The following WDR7 variants were observed in gnomAD, a reference collection of about 807,000 sequenced individuals.
The protein encoded by WDR7 is WD repeat domain 7.
Under a neutral mutation model 169.4 loss-of-function variants are expected in WDR7, and 46 were observed. That is an observed-to-expected ratio of 0.27 (90% confidence interval 0.21 to 0.35). The LOEUF (loss-of-function observed/expected upper bound fraction) is 0.35. WDR7 is among the 10% of genes least tolerant of loss of function. The probability of loss-of-function intolerance (pLI) is 1.00; values close to 1 mark genes in which losing one functional copy is unlikely to be tolerated. For missense variants in WDR7, 1,534 were observed against 1,859.3 expected (o/e 0.83, Z 3.22); for synonymous variants, 612 against 666.8 (o/e 0.92, Z 1.27).
chr18:56,884,687 C>A (rs1209280438), intron 21 of WDR7, among the ~76,000 whole-genome samples: 1 of 152,208 alleles, frequency 6.6e-6, no homozygotes, highest in East Asian at 1.9e-4. Context: ...CCTGCCCCAA[C>A]CTGATGGTCT....
chr18:56,672,390 C>A, intron 1 of WDR7, 107 bp from the exon 2 acceptor site: 48 of 718,264 alleles, frequency 6.7e-5, no homozygotes, highest in East Asian at 9.6e-5. Context: ...GTAATTCACT[C>A]CCAGGAATAT....
intron 20 of WDR7, among the ~76,000 whole-genome samples, chr18:56,851,824 G>A (rs1270826157): frequency 6.6e-6 from 1 of 152,104 alleles, no homozygotes; most frequent in South Asian, 2.1e-4. Context: ...AATTATATAG[G>A]TGCCTTCCCC....
At chr18:57,008,014 C>G (rs2048088965) in intron 26 of WDR7, among the ~76,000 whole-genome samples, 1 of 152,122 alleles carries the variant, frequency 6.6e-6, no homozygotes, top group African/African-American at 2.4e-5. Context: ...TTCCTAAGCT[C>G]CAAATTCATT....
In WDR7 at chr18:56,718,172, A is replaced by G. The variant is rs1224954069; in HGVS notation, c.1774+13A>G. On this transcript the variant is annotated intron_variant, in intron 13 of 27. Transcript: ENST00000254442. ...CAAATGGATACTGGTAAGAACAAGT[A>G]TGAAGAGATACTATAGAAAATTAAA... 1 of 1,542,960 alleles carries G rather than the reference A, an allele frequency of 6.5e-7. No homozygotes were observed. Among genetic ancestry groups the G allele is most frequent in the East Asian group, 2.4e-5 (1 of 42,302 alleles).
chr18:56,771,317 A>C (rs1056205437), intron 16 of WDR7, among the ~76,000 whole-genome samples: 3 of 152,196 alleles, frequency 2.0e-5, no homozygotes, highest in Admixed American at 6.5e-5. Context: ...TAACTTTAAC[A>C]GTTTCATTAG....
chr18:56,943,397 A>C (rs1172261588), intron 25 of WDR7, among the ~76,000 whole-genome samples: 1 of 143,812 alleles, frequency 7.0e-6, no homozygotes. Flanking sequence ...TCTGGGTTTT[A>C]TCTTAGACTA....
intron 2 of WDR7, among the ~76,000 whole-genome samples, chr18:56,678,437 G>A (rs987739898): frequency 2.0e-5 from 3 of 152,074 alleles, no homozygotes; most frequent in Non-Finnish European, 4.4e-5. Context: ...CCAGATATGC[G>A]AAAGGACTTG....
At chr18:56,853,964 T>C (rs1018692700) in intron 20 of WDR7, among the ~76,000 whole-genome samples, 3 of 152,230 alleles carry the variant, frequency 2.0e-5, no homozygotes, top group African/African-American at 7.2e-5. Flanking sequence ...TATTTTTTGT[T>C]TCATTTTACT....
chr18:56,757,123 A>G lies in WDR7; in HGVS notation c.2530A>G (p.Met844Val), dbSNP rs2144943822. 6.2e-7 allele frequency: 1 copy of G among 1,614,148 alleles called. No individual in the cohort carries two copies. Among genetic ancestry groups the G allele is most frequent in the Middle Eastern group, 1.6e-4 (1 of 6,062 alleles). ...TGGCCTCTTGTCAAGAGGAGGCCAT[A>G]TGTCACTGATGCTGCCGGGTTATAA... ...SFGLLSRGGH[M>V]SLMLPGYNQP... Residue 844 changes from methionine to valine, a missense_variant, in exon 15 of 28, where the codon ATG becomes GTG. By Grantham distance (21) the Met-to-Val change is conservative (BLOSUM62 1). Transcript: ENST00000254442.
chr18:56,810,549 AAT>A, intron 19 of WDR7, among the ~76,000 whole-genome samples: 1 of 152,292 alleles, frequency 6.6e-6, no homozygotes, highest in South Asian at 2.1e-4. Flanking sequence ...CAACATAAAG[AAT>A]ATAGTTTAAT....
intron 20 of WDR7, among the ~76,000 whole-genome samples, chr18:56,827,384 C>T (rs11151982): frequency 0.67 from 102,286 of 152,066 alleles, 36,616 homozygotes; most frequent in East Asian, 0.82. Context: ...AGAATGAGAC[C>T]AATCATTTAC....
At chr18:56,673,789 A>G (rs1305676271) in intron 2 of WDR7, among the ~76,000 whole-genome samples, 2 of 151,664 alleles carry the variant, frequency 1.3e-5, no homozygotes, top group African/African-American at 4.9e-5. Flanking sequence ...GTACCACTGC[A>G]CTCCAGCCTG....
At chr18:56,958,389 T>C (rs769849648) in intron 25 of WDR7, among the ~76,000 whole-genome samples, 3 of 152,198 alleles carry the variant, frequency 2.0e-5, no homozygotes, top group Non-Finnish European at 4.4e-5. Flanking sequence ...ATTTCAATAA[T>C]GGCATCAAAA....
chr18:56,694,742 A>G lies in WDR7; in HGVS notation c.1090A>G (p.Lys364Glu), dbSNP rs1377984210. The G allele has an allele frequency of 6.2e-7, 1 of 1,610,792 alleles. No homozygotes were observed. Among genetic ancestry groups the G allele is most frequent in the South Asian group, 1.1e-5 (1 of 89,746 alleles). Residue 364 changes from lysine to glutamate, a missense_variant, in exon 10 of 28, where the codon AAA becomes GAA. Coordinates refer to ENST00000254442, the MANE Select transcript of WDR7 (RefSeq NM_015285.3). Reference protein sequence around the residue: ...NIWNISDTADKQGSEEGLAMT... With the variant: ...NIWNISDTADEQGSEEGLAMT... Reference sequence around the variant, plus strand: ...TTGGAACATATCAGACACAGCTGATAAACAGGGAAGTGAAGAAGGTAATAG... The same window carrying G: ...TTGGAACATATCAGACACAGCTGATGAACAGGGAAGTGAAGAAGGTAATAG...
intron 6 of WDR7, 109 bp from the exon 7 acceptor site, chr18:56,686,746 T>A (rs1370653004): frequency 1.1e-6 from 1 of 931,574 alleles, no homozygotes; most frequent in Non-Finnish European, 1.6e-6. Context: ...GCTAAAATGA[T>A]GAACATATGA....
At chr18:56,962,557 C>T (rs2047352971) in intron 26 of WDR7, 28 bp downstream of exon 26, 3 of 1,594,062 alleles carry the variant, frequency 1.9e-6, no homozygotes. Context: ...ACTTCCTCTC[C>T]ATAAAGCGTG....
intron 20 of WDR7, among the ~76,000 whole-genome samples, chr18:56,864,626 C>T (rs892223076): frequency 1.3e-5 from 2 of 151,582 alleles, no homozygotes; most frequent in Non-Finnish European, 3.0e-5. Context: ...TATTTAACCT[C>T]TCGGGTAATA....
At chr18:56,801,405 C>T (rs927586992) in intron 19 of WDR7, among the ~76,000 whole-genome samples, 2 of 152,304 alleles carry the variant, frequency 1.3e-5, no homozygotes, top group South Asian at 2.1e-4. Context: ...TACTTAGACT[C>T]ATTTGTCAGA....
the WDR7 span, chr18:57,034,924 A>G: frequency 0.52 from 78,735 of 151,774 alleles, 22,390 homozygotes; most frequent in South Asian, 0.65. Flanking sequence ...GGCTGAACTC[A>G]CCTCTAAAAA....
Sources: gnomAD v4.1 joint callset for allele counts (sites outside exome capture counted in the v4.1 genomes callset) on GRCh38, gnomAD v4.1.1 for gene constraint, MANE v1.5 for transcripts, NCBI Gene and HGNC (gene_info 2026-07-23, HGNC 2026-07-21) for gene names.